APPBP2: variants seen among roughly 807,000 people sequenced by gnomAD.
APPBP2 encodes amyloid protein-binding protein 2.
In APPBP2, 15 loss-of-function variants were observed where a neutral mutation model predicts 76.0. The observed-to-expected ratio is 0.20, with a 90% confidence interval of 0.13 to 0.30. The LOEUF (loss-of-function observed/expected upper bound fraction) is 0.30. Among genes scored for constraint, APPBP2 ranks in the 10% least tolerant of loss-of-function variants. APPBP2 has a pLI of 1.00. For missense variants in APPBP2, 401 were observed against 687.2 expected (o/e 0.58, Z 4.66); for synonymous variants, 222 against 242.2 (o/e 0.92, Z 0.77).
intron 12 of APPBP2, 29 bp downstream of exon 12, chr17:60,451,851 T>G: frequency 6.4e-7 from 1 of 1,572,372 alleles, no homozygotes. Context: ...TGTAATCAAC[T>G]GACTAAAGAA....
chr17:60,456,320 A>G lies in APPBP2; in HGVS notation c.1123T>C (p.Leu375=), dbSNP rs1393986710. 1.9e-6 allele frequency: 3 copies of G among 1,610,452 alleles called. No individual in the cohort carries two copies. Among genetic ancestry groups the G allele is most frequent in the African/African-American group, 2.7e-5 (2 of 74,870 alleles). Residue 375 remains leucine (L), a synonymous_variant, in exon 10 of 13, where the codon TTG becomes CTG. Coordinates refer to ENST00000083182, the MANE Select transcript of APPBP2 (RefSeq NM_006380.5). ...CCTTTCACCCTCTTTGAAGAAGCCA[A>G]AAGAAGATGATCTTCAGGTAGGATG... ...THILPEDHLL[L]ASSKRVKALI...
In APPBP2 at chr17:60,466,462, A is replaced by T. The variant is rs759074618; in HGVS notation, c.504-3T>A. ...TTCCATTTCGCACATGAAGCAACCT[A>T]TAAAACACCAATAACATTGCTCTAT... On this transcript the variant is annotated splice_polypyrimidine_tract_variant and splice_region_variant and intron_variant, in intron 4 of 12. Coordinates refer to ENST00000083182, the MANE Select transcript of APPBP2 (RefSeq NM_006380.5). 1.9e-5 allele frequency: 30 copies of T among 1,610,290 alleles called. No individual in the cohort carries two copies. In the South Asian group the frequency reaches 3.3e-4, roughly 18 times the overall value.
chr17:60,494,374 G>T, intron 3 of APPBP2, 92 bp downstream of exon 3: 1 of 1,426,554 alleles, frequency 7.0e-7, no homozygotes, highest in South Asian at 1.3e-5. Flanking sequence ...TTCTTACGTA[G>T]ACTTTGGGAA....
chr17:60,515,261 AC>A (rs1266048910), intron 1 of APPBP2, among the ~76,000 whole-genome samples: 1 of 151,452 alleles, frequency 6.6e-6, no homozygotes, highest in Non-Finnish European at 1.5e-5. Context: ...GATTATAGGC[AC>A]CAGCCACCAT....
chr17:60,452,888 C>T (rs1417141172), intron 11 of APPBP2, among the ~76,000 whole-genome samples: 1 of 152,184 alleles, frequency 6.6e-6, no homozygotes, highest in East Asian at 1.9e-4. Context: ...GAGCCATGAT[C>T]ACACCACTGT....
At chr17:60,505,450 G>A (rs1482930181) in intron 1 of APPBP2, among the ~76,000 whole-genome samples, 1 of 152,166 alleles carries the variant, frequency 6.6e-6, no homozygotes, top group East Asian at 1.9e-4. Flanking sequence ...AGAGTAGCTG[G>A]GACTACAGGC....
chr17:60,459,276 G>A (rs1213490163), intron 9 of APPBP2, among the ~76,000 whole-genome samples: 1 of 152,064 alleles, frequency 6.6e-6, no homozygotes, highest in East Asian at 1.9e-4. Context: ...GGCATCCCAG[G>A]AGAACCAGCA....
At chr17:60,458,890 A>G (rs1437098839) in intron 9 of APPBP2, among the ~76,000 whole-genome samples, 1 of 151,412 alleles carries the variant, frequency 6.6e-6, no homozygotes, top group African/African-American at 2.4e-5. Flanking sequence ...CTCCTGCCTC[A>G]GCCTCCCGAG....
rs2090357989 is a variant in APPBP2 at position 60,447,502 on chromosome 17, C to A, written c.*79G>T. The A allele has an allele frequency of 4.6e-6, 7 of 1,508,170 alleles. No individual in the cohort carries two copies. The highest frequency in any genetic ancestry group is 4.0e-5 in the South Asian group (3 of 75,480). The allele number at this position is 1,508,170 out of a possible 1,614,324, so 93.4% of individuals were successfully genotyped here. ...TGTTTCAATGCAAATTCCAGCCCCCCAAAACAACATGGTTTTGATTTCACA... is the reference window on the plus strand; with the variant it reads ...TGTTTCAATGCAAATTCCAGCCCCCAAAAACAACATGGTTTTGATTTCACA... On this transcript the variant is annotated 3_prime_UTR_variant, in exon 13 of 13. Coordinates refer to ENST00000083182, the MANE Select transcript of APPBP2 (RefSeq NM_006380.5).
Position 60,526,007 on chromosome 17 carries a change from T to C in APPBP2, c.-76A>G, listed in dbSNP as rs1386487017. The C allele has an allele frequency of 7.0e-7, 1 of 1,436,148 alleles. No individual in the cohort carries two copies. Among genetic ancestry groups the C allele is most frequent in the Non-Finnish European group, 9.4e-7 (1 of 1,061,310 alleles). 89.0% of individuals were successfully genotyped at this position (1,436,148 alleles called of 1,614,324 possible). On this transcript the variant is annotated 5_prime_UTR_variant, in exon 1 of 13. Transcript: ENST00000083182. The stretch of plus-strand genomic sequence containing the variant: ...CACCTCCCTCCGTAGCGAACCCCTC[T>C]GCGGCCCCGGAGGATTCGGAGGGGC...
chr17:60,514,550 C>A (rs2090947058), intron 1 of APPBP2, among the ~76,000 whole-genome samples: 2 of 152,356 alleles, frequency 1.3e-5, no homozygotes, highest in South Asian at 4.1e-4. Flanking sequence ...CTCTAGTATA[C>A]ATAGAATACT....
chr17:60,494,647 G>T (rs1224853507), intron 2 of APPBP2, 30 bp from the exon 3 acceptor site: 13 of 1,541,920 alleles, frequency 8.4e-6, no homozygotes, highest in Non-Finnish European at 1.1e-5. Context: ...TTATTTTATA[G>T]AGTTAATTTA....
At chr17:60,463,543 A>T (rs1413701511) in intron 6 of APPBP2, among the ~76,000 whole-genome samples, 1 of 152,240 alleles carries the variant, frequency 6.6e-6, no homozygotes, top group Non-Finnish European at 1.5e-5. Flanking sequence ...ACACTAGAGA[A>T]AAATCAAGTA....
At chr17:60,512,093 T>A (rs940310308) in intron 1 of APPBP2, among the ~76,000 whole-genome samples, 11 of 148,564 alleles carry the variant, frequency 7.4e-5, no homozygotes, top group African/African-American at 1.6e-4. Flanking sequence ...GAGGTGTTTT[T>A]TTATTATTAT....
chr17:60,525,439 G>A (rs1010895234), intron 1 of APPBP2, among the ~76,000 whole-genome samples: 2 of 152,162 alleles, frequency 1.3e-5, no homozygotes, highest in South Asian at 2.1e-4. Context: ...TTAATTGGAA[G>A]GAGAGGATGG....
chr17:60,523,210 C>T (rs2091024644), intron 1 of APPBP2, among the ~76,000 whole-genome samples: 1 of 152,012 alleles, frequency 6.6e-6, no homozygotes, highest in Non-Finnish European at 1.5e-5. Flanking sequence ...AAACAGTAAG[C>T]CTCCTAAAAT....
At chr17:60,467,355 C>A (rs1350671473) in intron 4 of APPBP2, among the ~76,000 whole-genome samples, 5 of 152,124 alleles carry the variant, frequency 3.3e-5, no homozygotes, top group Admixed American at 6.5e-5. Flanking sequence ...TCTATCTATA[C>A]CACAATTATT....
intron 1 of APPBP2, among the ~76,000 whole-genome samples, chr17:60,502,160 C>G (rs2143457529): frequency 6.6e-6 from 1 of 152,304 alleles, no homozygotes; most frequent in East Asian, 1.9e-4. Context: ...CTCCTGGGCT[C>G]AAGTGATCTT....
chr17:60,475,663 A>ATG, intron 4 of APPBP2, among the ~76,000 whole-genome samples: 1 of 149,894 alleles, frequency 6.7e-6, no homozygotes, highest in African/African-American at 2.5e-5. Context: ...ACACACACAC[A>ATG]CACACACACA....
Sources: gnomAD v4.1 joint callset for allele counts (sites outside exome capture counted in the v4.1 genomes callset) on GRCh38, gnomAD v4.1.1 for gene constraint, MANE v1.5 for transcripts, NCBI Gene and HGNC (gene_info 2026-07-23, HGNC 2026-07-21) for gene names.